RASGRF2: variants seen among roughly 807,000 people sequenced by gnomAD.
The protein encoded by RASGRF2 is ras-specific guanine nucleotide-releasing factor 2.
Under a neutral mutation model 151.0 loss-of-function variants are expected in RASGRF2, and 76 were observed. The ratio of observed to expected loss-of-function variants is 0.50; its 90% CI spans 0.42 to 0.61. The LOEUF (loss-of-function observed/expected upper bound fraction) is 0.61. RASGRF2 is among the 20% of genes least tolerant of loss of function. The pLI, the probability that RASGRF2 is intolerant of heterozygous loss-of-function variation, is 0.00. For missense variants in RASGRF2, 1,148 were observed against 1,564.6 expected (o/e 0.73, Z 4.49); for synonymous variants, 504 against 566.5 (o/e 0.89, Z 1.57).
intron 16 of RASGRF2, among the ~76,000 whole-genome samples, chr5:81,125,129 C>G (rs1443336637): frequency 6.6e-6 from 1 of 152,164 alleles, no homozygotes; most frequent in Non-Finnish European, 1.5e-5. Flanking sequence ...TCAGGTGATT[C>G]ACCCTCCTCA....
intron 2 of RASGRF2, among the ~76,000 whole-genome samples, chr5:81,062,472 A>C (rs1351703906): frequency 6.6e-6 from 1 of 152,156 alleles, no homozygotes; most frequent in Non-Finnish European, 1.5e-5. Flanking sequence ...ATGTGTTTTC[A>C]TTGTTTTTTC....
rs184201306 is a variant in RASGRF2, at chr5:81,034,146, A to G, written c.289-8731A>G. Among the ~76,000 whole-genome samples, 949 of 152,322 alleles carry G rather than the reference A, an allele frequency of 6.2e-3. 9 individuals are homozygous for G. The highest frequency in any genetic ancestry group is 0.022 in the African/African-American group (924 of 41,574). On this transcript the variant is annotated intron_variant, in intron 1 of 26. Transcript: ENST00000265080. ...ATGGCGATCATTAAAAAGTCAGGATACAGACACTTCTCAAAAGAAGACATT... is the reference window on the plus strand; with the variant it reads ...ATGGCGATCATTAAAAAGTCAGGATGCAGACACTTCTCAAAAGAAGACATT...
intron 2 of RASGRF2, among the ~76,000 whole-genome samples, chr5:81,049,037 A>C (rs1172139560): frequency 6.6e-6 from 1 of 151,704 alleles, no homozygotes; most frequent in African/African-American, 2.4e-5. Flanking sequence ...CTCTACTATA[A>C]CTGTTGTCAC....
Position 81,183,356 on chromosome 5 carries a change from T to A in RASGRF2, c.2793+3075T>A, listed in dbSNP as rs971575224. On this transcript the variant is annotated intron_variant, in intron 18 of 26. Transcript: ENST00000265080. ...TGGCAGATACTACCTTGAGCTTTAT[T>A]CAGGAGAATTAAAAAGTTGCAGAAG... 3.1e-6 allele frequency: 3 copies of A among 952,682 alleles called. No individual in the cohort carries two copies. In the African/African-American group the frequency reaches 5.3e-5, roughly 17 times the overall value. The allele number at this position is 952,682 out of a possible 1,614,324, so 59.0% of individuals were successfully genotyped here.
chr5:81,071,935 A>T (rs921695029), intron 4 of RASGRF2, among the ~76,000 whole-genome samples: 1 of 152,208 alleles, frequency 6.6e-6, no homozygotes, highest in Non-Finnish European at 1.5e-5. Flanking sequence ...GTTGATTTTT[A>T]AAAATATTTC....
In RASGRF2 at chr5:80,960,775, C is replaced by T. The variant is rs199546647; in HGVS notation, c.37C>T (p.Leu13=). Residue 13 remains leucine, a synonymous_variant, in exon 1 of 27, where the codon CTG becomes TTG. Coordinates refer to ENST00000265080, the MANE Select transcript of RASGRF2 (RefSeq NM_006909.3). This position sits in a 1 kb window ranked among gnomAD's most constrained non-coding sequence, Gnocchi z 5.5. Reference sequence around the variant, plus strand: ...CGTGCGCTACAACGAGGGGCACGCCCTGTACCTGGCCTTTCTGGCGCGCAA... The same window carrying T: ...CGTGCGCTACAACGAGGGGCACGCCTTGTACCTGGCCTTTCTGGCGCGCAA... The part of the protein sequence containing the change: ...KSVRYNEGHA[L]YLAFLARKEG... 156 of 1,611,392 alleles carry T rather than the reference C, an allele frequency of 9.7e-5. 1 individual carries two copies. In the East Asian group the frequency reaches 3.0e-3, roughly 31 times the overall value.
At chr5:80,989,458 T>G (rs1471102174) in intron 1 of RASGRF2, among the ~76,000 whole-genome samples, 1 of 152,206 alleles carries the variant, frequency 6.6e-6, no homozygotes, top group African/African-American at 2.4e-5. Context: ...TCATTTCTGT[T>G]TGGCTATTGT....
At chr5:80,974,158 C>T (rs1210811230) in intron 1 of RASGRF2, among the ~76,000 whole-genome samples, 1 of 152,124 alleles carries the variant, frequency 6.6e-6, no homozygotes, top group Non-Finnish European at 1.5e-5. Context: ...AAAACCAGTC[C>T]TTATTTGAGA....
At chr5:81,014,866 A>G (rs1206961703) in intron 1 of RASGRF2, among the ~76,000 whole-genome samples, 3 of 152,186 alleles carry the variant, frequency 2.0e-5, no homozygotes, top group Admixed American at 6.5e-5. Flanking sequence ...GTCATTATAT[A>G]TATTTCCAAA....
At chr5:81,210,576 C>T (rs1755608904) in intron 22 of RASGRF2, among the ~76,000 whole-genome samples, 1 of 152,166 alleles carries the variant, frequency 6.6e-6, no homozygotes, top group Non-Finnish European at 1.5e-5. Context: ...CTATCCTAGA[C>T]CAAAGCACAG....
intron 1 of RASGRF2, among the ~76,000 whole-genome samples, chr5:81,002,099 T>C (rs1221343381): frequency 6.6e-6 from 1 of 152,236 alleles, no homozygotes; most frequent in Non-Finnish European, 1.5e-5. Flanking sequence ...ATATATTCAG[T>C]GGTAAATCTA....
At chr5:81,167,986 A>G (rs1219319607) in intron 17 of RASGRF2, among the ~76,000 whole-genome samples, 1 of 152,062 alleles carries the variant, frequency 6.6e-6, no homozygotes, top group Non-Finnish European at 1.5e-5. Flanking sequence ...CTCTTCTCAG[A>G]TCTCCACATC....
intron 15 of RASGRF2, among the ~76,000 whole-genome samples, chr5:81,116,155 T>C (rs1753150093): frequency 7.5e-6 from 1 of 133,270 alleles, no homozygotes; most frequent in Non-Finnish European, 1.6e-5. Context: ...CAATCTTGAC[T>C]CACTGCAACC....
intron 1 of RASGRF2, among the ~76,000 whole-genome samples, chr5:80,996,779 T>C (rs1355791022): frequency 6.6e-6 from 1 of 151,090 alleles, no homozygotes; most frequent in East Asian, 2.0e-4. Context: ...TTTGTCTTTT[T>C]AGTGGAGATG....
intron 1 of RASGRF2, among the ~76,000 whole-genome samples, chr5:80,993,435 T>G (rs1748718857): frequency 6.6e-6 from 1 of 152,254 alleles, no homozygotes. Flanking sequence ...CAGTGGTTTC[T>G]ACTCATCACT....
At chr5:80,979,497 T>C (rs1235173869) in intron 1 of RASGRF2, among the ~76,000 whole-genome samples, 1 of 152,216 alleles carries the variant, frequency 6.6e-6, no homozygotes, top group Non-Finnish European at 1.5e-5. Flanking sequence ...TTCATTTTAA[T>C]ATTTTGCATT....
rs145174316 is a variant in RASGRF2, at chr5:81,063,962, G to A, written c.396-4070G>A. On this transcript the variant is annotated intron_variant, in intron 2 of 26. Coordinates refer to ENST00000265080, the MANE Select transcript of RASGRF2 (RefSeq NM_006909.3). ...TGTCTTTTCTGTTTGTTCATTTGGG[G>A]CTGTGTTTGTTATCTCTTGCTGCTT... 3.2e-3 allele frequency among the ~76,000 whole-genome samples: 487 copies of A among 152,132 alleles called. 1 individual carries two copies. Among genetic ancestry groups the A allele is most frequent in the African/African-American group, 0.011 (466 of 41,490 alleles).
At chr5:81,082,320 C>G (rs980744704) in intron 7 of RASGRF2, among the ~76,000 whole-genome samples, 1 of 152,124 alleles carries the variant, frequency 6.6e-6, no homozygotes, top group African/African-American at 2.4e-5. Flanking sequence ...CTTTGGATTT[C>G]TTTAAAATGC....
At chr5:81,183,113 T>G in intron 18 of RASGRF2, 76 of 842,940 alleles carry the variant, frequency 9.0e-5, no homozygotes, top group Non-Finnish European at 1.0e-4. Context: ...TAGGAAGTTG[T>G]ACTCATCTCA....
Sources: allele counts gnomAD v4.1 joint callset (sites outside exome capture counted in the v4.1 genomes callset), GRCh38; gene constraint gnomAD v4.1.1; non-coding constraint Gnocchi (gnomAD v3.1); transcripts MANE v1.5; gene names NCBI Gene and HGNC (gene_info 2026-07-23, HGNC 2026-07-21).